The following ZNF423 variants were observed in gnomAD, a reference collection of about 807,000 sequenced individuals.
The protein encoded by ZNF423 is Ebf-associated zinc finger protein.
Under a neutral mutation model 95.8 loss-of-function variants are expected in ZNF423, and 12 were observed. The ratio of observed to expected loss-of-function variants is 0.13; its 90% CI spans 0.08 to 0.20. The LOEUF (loss-of-function observed/expected upper bound fraction) is 0.20, where lower values mean the gene tolerates loss of function less well. Among genes scored for constraint, ZNF423 ranks in the 10% least tolerant of loss-of-function variants. The pLI, the probability that ZNF423 is intolerant of heterozygous loss-of-function variation, is 1.00. For missense variants in ZNF423, 1,316 were observed against 1,737.1 expected (o/e 0.76, Z 4.31); for synonymous variants, 749 against 711.9 (o/e 1.05, Z -0.83).
chr16:49,569,689 G>A (rs1464487160), intron 5 of ZNF423, among the ~76,000 whole-genome samples: 1 of 152,178 alleles, frequency 6.6e-6, no homozygotes, highest in African/African-American at 2.4e-5. Flanking sequence ...GTCTGGGGCT[G>A]GTTGTGTGGT....
At chr16:49,558,879 A>C (rs1286787737) in intron 5 of ZNF423, among the ~76,000 whole-genome samples, 1 of 152,206 alleles carries the variant, frequency 6.6e-6, no homozygotes, top group Non-Finnish European at 1.5e-5. Flanking sequence ...GTGTACCTGG[A>C]AGCGAGCGGG....
chr16:49,668,297 G>A (rs2030637769), intron 3 of ZNF423, among the ~76,000 whole-genome samples: 1 of 152,132 alleles, frequency 6.6e-6, no homozygotes, highest in Admixed American at 6.5e-5. Flanking sequence ...TAGAAACTGA[G>A]GCCCCGAAAT....
intron 5 of ZNF423, among the ~76,000 whole-genome samples, chr16:49,617,601 C>T (rs546686486): frequency 1.3e-5 from 2 of 152,318 alleles, no homozygotes; most frequent in South Asian, 4.2e-4. Context: ...TCCATCCTTC[C>T]TCTTCCCCTC....
At chr16:49,696,057 C>T (rs2031957649) in intron 3 of ZNF423, among the ~76,000 whole-genome samples, 1 of 152,216 alleles carries the variant, frequency 6.6e-6, no homozygotes, top group Non-Finnish European at 1.5e-5. Flanking sequence ...TACTCAGCTT[C>T]TTTGACCCCA....
chr16:49,695,888 T>C (rs1046410831), intron 3 of ZNF423, among the ~76,000 whole-genome samples: 3 of 152,218 alleles, frequency 2.0e-5, no homozygotes, highest in Admixed American at 6.5e-5. Context: ...AGCTCTTGCA[T>C]ACATTATTCC....
At chr16:49,817,451 A>G (rs1041306302) in intron 1 of ZNF423, among the ~76,000 whole-genome samples, 1 of 152,188 alleles carries the variant, frequency 6.6e-6, no homozygotes, top group Non-Finnish European at 1.5e-5. Flanking sequence ...AGGGCCCCTG[A>G]GATTATAAAC....
chr16:49,538,592 A>T (rs1218734230), intron 5 of ZNF423, among the ~76,000 whole-genome samples: 6 of 151,558 alleles, frequency 4.0e-5, no homozygotes, highest in Non-Finnish European at 8.8e-5. Flanking sequence ...GCAAAGCTGC[A>T]CTCTTCTGCC....
chr16:49,538,111 A>G (rs1156855779), intron 5 of ZNF423, among the ~76,000 whole-genome samples: 1 of 152,210 alleles, frequency 6.6e-6, no homozygotes, highest in Non-Finnish European at 1.5e-5. Context: ...ACAGCTCCTG[A>G]CAGCCCCCAC....
In ZNF423 at chr16:49,638,105, G is replaced by A. The variant is rs755331543; in HGVS notation, c.1071C>T (p.Asp357=). 20 of 1,613,480 alleles carry A rather than the reference G, an allele frequency of 1.2e-5. 1 individual carries two copies. The highest frequency in any genetic ancestry group is 3.3e-4 in the Middle Eastern group (2 of 6,084). The change falls in exon 4 of 8, where the codon GAC becomes GAT. Residue 357 remains aspartate, a synonymous_variant. Transcript: ENST00000563137. This position sits in a 1 kb window ranked among gnomAD's most constrained non-coding sequence, Gnocchi z 5.6. The part of the protein sequence containing the change: ...YCHLDSHRQP[D]SSNHSVSPDP... ...CGGGACTGACACTGTGGTTGCTGGA[G>A]TCGGGCTGCCGGTGGCTGTCCAGGT...
chr16:49,533,944 C>A (rs896355163), intron 5 of ZNF423, among the ~76,000 whole-genome samples: 2 of 152,094 alleles, frequency 1.3e-5, no homozygotes, highest in African/African-American at 2.4e-5. Context: ...GATTGCTTGA[C>A]CCCAGGAGCT....
intron 3 of ZNF423, among the ~76,000 whole-genome samples, chr16:49,687,328 T>A (rs1032251125): frequency 5.3e-5 from 8 of 151,878 alleles, no homozygotes; most frequent in Non-Finnish European, 1.0e-4. Context: ...GGGGGAAGCT[T>A]CCTCTAGTAA....
intron 1 of ZNF423, among the ~76,000 whole-genome samples, chr16:49,836,032 C>T (rs1208697077): frequency 6.6e-6 from 1 of 152,154 alleles, no homozygotes; most frequent in Non-Finnish European, 1.5e-5. Flanking sequence ...CCACCTACCC[C>T]GACAACCACA....
At position 49,510,052 on chromosome 16, in the gene ZNF423, C is replaced by T. The variant is rs963027919; in HGVS notation, c.3849+13572G>A. Among the ~76,000 whole-genome samples the T allele has an allele frequency of 5.3e-5, 8 of 152,242 alleles. No homozygotes were observed. In the South Asian group the frequency reaches 1.0e-3, roughly 20 times the overall value. On this transcript the variant is annotated intron_variant, in intron 7 of 7. Coordinates refer to ENST00000563137, the MANE Select transcript of ZNF423 (RefSeq NM_001379286.1). ...TCTGCCACTTACCAGCCGTGGGACA[C>T]GACATCAAGCGAGTGGCTTAAACTC...
intron 3 of ZNF423, among the ~76,000 whole-genome samples, chr16:49,693,292 G>T (rs1017731156): frequency 6.6e-6 from 1 of 152,166 alleles, no homozygotes. Flanking sequence ...TGAGTATGAG[G>T]TATATGCTAT....
At chr16:49,582,598 C>T (rs567397716) in intron 5 of ZNF423, among the ~76,000 whole-genome samples, 1 of 152,216 alleles carries the variant, frequency 6.6e-6, no homozygotes, top group Non-Finnish European at 1.5e-5. Context: ...CTGAATAATA[C>T]ATGGAAATGG....
chr16:49,609,064 C>A (rs1163432071), intron 5 of ZNF423, among the ~76,000 whole-genome samples: 2 of 152,138 alleles, frequency 1.3e-5, no homozygotes, highest in Admixed American at 1.3e-4. Flanking sequence ...AACAAGTGCC[C>A]TAACCCATCC....
chr16:49,677,819 T>C (rs2031183990), intron 3 of ZNF423, among the ~76,000 whole-genome samples: 1 of 151,756 alleles, frequency 6.6e-6, no homozygotes, highest in South Asian at 2.1e-4. Context: ...CAGGTCCACC[T>C]GGAGCTGCTA....
chr16:49,684,751 T>G (rs1407632265), intron 3 of ZNF423, among the ~76,000 whole-genome samples: 1 of 152,186 alleles, frequency 6.6e-6, no homozygotes, highest in Non-Finnish European at 1.5e-5. Context: ...GCTTGAGCCC[T>G]GGGCCCCTCC....
chr16:49,511,862 C>A (rs1967912038), intron 7 of ZNF423, among the ~76,000 whole-genome samples: 1 of 152,192 alleles, frequency 6.6e-6, no homozygotes, highest in Non-Finnish European at 1.5e-5. Context: ...GAGACACAGA[C>A]CAACTGTGCT....
Sources: gnomAD v4.1 joint callset for allele counts (sites outside exome capture counted in the v4.1 genomes callset) on GRCh38, gnomAD v4.1.1 for gene constraint, Gnocchi (gnomAD v3.1) non-coding constraint, MANE v1.5 for transcripts, NCBI Gene and HGNC (gene_info 2026-07-23, HGNC 2026-07-21) for gene names.